The following TLR4 variants were observed in gnomAD, a reference collection of about 807,000 sequenced individuals.
TLR4 encodes toll-like receptor 4.
In TLR4, 17 loss-of-function variants were observed where a neutral mutation model predicts 27.4. The ratio of observed to expected loss-of-function variants is 0.62; its 90% confidence interval spans 0.42 to 0.93. TLR4 has a LOEUF of 0.93. Ranked by LOEUF, TLR4 falls within the 40% of genes least tolerant of loss-of-function variation. The pLI, the probability that TLR4 is intolerant of heterozygous loss-of-function variation, is 0.00. For synonymous variants in TLR4, 363 were observed against 365.7 expected (o/e 0.99, Z 0.08); for missense variants, 926 against 962.3 (o/e 0.96, Z 0.50).
chr9:117,707,263 C>T (rs1829150173), intron 1 of TLR4, among the ~76,000 whole-genome samples: 1 of 152,170 alleles, frequency 6.6e-6, no homozygotes, highest in Admixed American at 6.5e-5. Context: ...GAATGAAGAT[C>T]TGCATGTTTG....
rs199561420 is a variant in TLR4, at chr9:117,713,450, C to T, written c.1322C>T (p.Ser441Leu). 6.2e-7 allele frequency: 1 copy of T among 1,614,060 alleles called. No individual in the cohort carries two copies. Among genetic ancestry groups the T allele is most frequent in the East Asian group, 2.2e-5 (1 of 44,868 alleles). ...HSNLKQMSEF[S>L]VFLSLRNLIY... ...AATTTGAAACAAATGAGTGAGTTTT[C>T]AGTATTCCTATCACTCAGAAACCTC... The change falls in exon 3 of 3, where the codon TCA becomes TTA. Residue 441 changes from serine (S) to leucine (L), a missense_variant. Ser to Leu is a moderately radical substitution (Grantham distance 145). Coordinates refer to ENST00000355622, the MANE Select transcript of TLR4 (RefSeq NM_138554.5).
At position 117,713,533 on chromosome 9, in the gene TLR4, G is replaced by T. The variant is rs1588094962; in HGVS notation, c.1405G>T (p.Gly469Cys). The stretch of plus-strand genomic sequence containing the variant: ...AGTTGCTTTCAATGGCATCTTCAAT[G>T]GCTTGTCCAGTCTCGAAGTCTTGAA... ...TRVAFNGIFN[G>C]LSSLEVLKMA... The change falls in exon 3 of 3, where the codon GGC (glycine) becomes TGC (cysteine). Residue 469 changes from glycine (G) to cysteine (C), a missense_variant. By Grantham distance (159) the Gly-to-Cys change is radical. Coordinates refer to ENST00000355622, the MANE Select transcript of TLR4 (RefSeq NM_138554.5). The T allele has an allele frequency of 1.2e-6, 2 of 1,614,068 alleles. No individual in the cohort carries two copies.
intron 1 of TLR4, 45 bp downstream of exon 1, chr9:117,704,610 C>G (rs1210708881): frequency 1.3e-6 from 2 of 1,529,896 alleles, no homozygotes. Context: ...CTCACTTCTG[C>G]CCAGAACTTC....
At position 117,714,740 on chromosome 9, in the gene TLR4, GGCCTTAT is replaced by G; in HGVS notation, c.*95_*101del. 1 of 1,113,788 alleles carries G rather than the reference GGCCTTAT, an allele frequency of 9.0e-7. No individual in the cohort carries two copies. The highest frequency in any genetic ancestry group is 1.3e-5 in the South Asian group (1 of 77,948). 69.0% of individuals were successfully genotyped at this position (1,113,788 alleles called of 1,614,324 possible). ...AAGTATTAAATGCTGCCACATGTCA[GGCCTTAT>G]GCTAAGGGTGAGTAATTCCATGGTG... On this transcript the variant is annotated 3_prime_UTR_variant, in exon 3 of 3. Coordinates refer to ENST00000355622, the MANE Select transcript of TLR4 (RefSeq NM_138554.5).
rs1464641365 is a variant in TLR4 at position 117,719,199 on chromosome 9, T to C, written c.*4551T>C. 1 of 152,200 alleles carries C rather than the reference T, an allele frequency of 6.6e-6. No individual in the cohort carries two copies. Among genetic ancestry groups the C allele is most frequent in the African/African-American group, 2.4e-5 (1 of 41,450 alleles). The allele number at this position is 152,200 out of a possible 1,614,324, so 9.4% of individuals were successfully genotyped here. On this transcript the variant is annotated 3_prime_UTR_variant, in exon 3 of 3. Coordinates refer to ENST00000355622, the MANE Select transcript of TLR4 (RefSeq NM_138554.5). ...AATGTTGATAGTTACAATAGTTACA[T>C]TTAATTGATCAATTGTTTTATGCAA...
At position 117,720,718 on chromosome 9, in the gene TLR4, C is replaced by T. The variant is rs1057014838; in HGVS notation, c.*6070C>T. 2.0e-5 allele frequency: 3 copies of T among 152,264 alleles called. No homozygotes were observed. The highest frequency in any genetic ancestry group is 2.9e-5 in the Non-Finnish European group (2 of 68,072). 9.4% of individuals were successfully genotyped at this position (152,264 alleles called of 1,614,324 possible). A position where few individuals can be genotyped will look rare whatever the true frequency, so the allele number is the denominator to read the frequency against. On this transcript the variant is annotated 3_prime_UTR_variant, in exon 3 of 3. Coordinates refer to ENST00000355622, the MANE Select transcript of TLR4 (RefSeq NM_138554.5). ...TACCAATTTGAGCTCTTGACTCATACTAACAACACCCCATTTCCCATGGGC... is the reference window on the plus strand; with the variant it reads ...TACCAATTTGAGCTCTTGACTCATATTAACAACACCCCATTTCCCATGGGC...
chr9:117,716,644 G>T lies in TLR4; in HGVS notation c.*1996G>T, dbSNP rs200960216. ...GATGAATTAGCTCTAAAGATCAGCTGTATAGCAGAGTTCGTATAATGAACA... is the reference window on the plus strand; with the variant it reads ...GATGAATTAGCTCTAAAGATCAGCTTTATAGCAGAGTTCGTATAATGAACA... On this transcript the variant is annotated 3_prime_UTR_variant, in exon 3 of 3. Coordinates refer to ENST00000355622, the MANE Select transcript of TLR4 (RefSeq NM_138554.5). 4.6e-5 allele frequency: 7 copies of T among 152,166 alleles called. No individual in the cohort carries two copies. Among genetic ancestry groups the T allele is most frequent in the Non-Finnish European group, 1.0e-4 (7 of 68,036 alleles). The allele number at this position is 152,166 out of a possible 1,614,324, so 9.4% of individuals were successfully genotyped here.
rs564496399 is a variant in TLR4 at position 117,708,895 on chromosome 9, T to A, written c.260+166T>A. Reference sequence around the variant, plus strand: ...ATAACCTTGAGCAAGCTACCTCTATTCTCCAGGTCTCAGTTTTCTAATCTG... The same window carrying A: ...ATAACCTTGAGCAAGCTACCTCTATACTCCAGGTCTCAGTTTTCTAATCTG... On this transcript the variant is annotated intron_variant, in intron 2 of 2. Transcript: ENST00000355622. 1.3e-5 allele frequency: 10 copies of A among 797,146 alleles called. No homozygotes were observed. The African/African-American group carries it at 1.6e-4, about 12-fold the overall frequency. The allele number at this position is 797,146 out of a possible 1,614,324, so 49.4% of individuals were successfully genotyped here.
chr9:117,719,329 CAT>C lies in TLR4; in HGVS notation c.*4682_*4683del, dbSNP rs1322667181. On this transcript the variant is annotated 3_prime_UTR_variant, in exon 3 of 3. Transcript: ENST00000355622. ...AGTCTGAGTCTGGGAGTCATTCTGT[CAT>C]GTGTCCACTGTCACCTGCTCATTGG... The C allele has an allele frequency of 1.6e-4, 25 of 152,278 alleles. No individual in the cohort carries two copies. In the East Asian group the frequency reaches 4.1e-3, roughly 25 times the overall value. 9.4% of individuals were successfully genotyped at this position (152,278 alleles called of 1,614,324 possible). A position where few individuals can be genotyped will look rare whatever the true frequency, so the allele number is the denominator to read the frequency against.
At position 117,712,385 on chromosome 9, in the gene TLR4, G is replaced by A; in HGVS notation, c.261-4G>A. The A allele has an allele frequency of 6.2e-7, 1 of 1,612,426 alleles. No individual in the cohort carries two copies. The highest frequency in any genetic ancestry group is 1.1e-5 in the South Asian group (1 of 91,004). On this transcript the variant is annotated splice_polypyrimidine_tract_variant and splice_region_variant and intron_variant, in intron 2 of 2. Coordinates refer to ENST00000355622, the MANE Select transcript of TLR4 (RefSeq NM_138554.5). ...AGATAATCAATGTCTTTTTATTCCTGTAGGTGTGAAATCCAGACAATTGAA... is the reference window on the plus strand; with the variant it reads ...AGATAATCAATGTCTTTTTATTCCTATAGGTGTGAAATCCAGACAATTGAA...
In TLR4 at chr9:117,722,658, A is replaced by G. The variant is rs866519888; in HGVS notation, c.*8010A>G. The G allele has an allele frequency of 3.3e-5, 5 of 152,234 alleles. No homozygotes were observed. The highest frequency in any genetic ancestry group is 3.2e-3 in the Middle Eastern group (1 of 316). The allele number at this position is 152,234 out of a possible 1,614,324, so 9.4% of individuals were successfully genotyped here. A position where few individuals can be genotyped will look rare whatever the true frequency, so the allele number is the denominator to read the frequency against. The stretch of plus-strand genomic sequence containing the variant: ...CTGGCATATTAACAGCTGAGATCAG[A>G]TAAGTGAACAGCGATAGAGGTAGTG... On this transcript the variant is annotated 3_prime_UTR_variant, in exon 3 of 3. Coordinates refer to ENST00000355622, the MANE Select transcript of TLR4 (RefSeq NM_138554.5).
rs1829100182 is a variant in TLR4 at position 117,704,447 on chromosome 9, A to C, written c.-26A>C. 2 of 1,602,772 alleles carry C rather than the reference A, an allele frequency of 1.2e-6. No individual in the cohort carries two copies. Among genetic ancestry groups the C allele is most frequent in the Non-Finnish European group, 1.7e-6 (2 of 1,173,062 alleles). On this transcript the variant is annotated 5_prime_UTR_variant, in exon 1 of 3. Coordinates refer to ENST00000355622, the MANE Select transcript of TLR4 (RefSeq NM_138554.5). ...CGCATTCACAGGGCCACTGCTGCTC[A>C]CAGAAGCAGTGAGGATGATGCCAGG...
intron 1 of TLR4, 152 bp downstream of exon 1, chr9:117,704,717 T>TCAAA: frequency 1.3e-6 from 1 of 766,692 alleles, no homozygotes; most frequent in Non-Finnish European, 2.2e-6. Context: ...TAATTCATTG[T>TCAAA]TACAGGGCAC....
At chr9:117,707,180 G>C (rs1002641845) in intron 1 of TLR4, among the ~76,000 whole-genome samples, 3 of 152,178 alleles carry the variant, frequency 2.0e-5, no homozygotes, top group African/African-American at 7.2e-5. Context: ...CAAAGAAAGA[G>C]TGCCTGGCAC....
intron 2 of TLR4, among the ~76,000 whole-genome samples, chr9:117,711,131 A>G (rs879455426): frequency 3.3e-5 from 5 of 152,198 alleles, no homozygotes; most frequent in Non-Finnish European, 7.4e-5. Flanking sequence ...AGAGGACTGC[A>G]GAAACACCAA....
At position 117,713,331 on chromosome 9, in the gene TLR4, A is replaced by G. The variant is rs754066559; in HGVS notation, c.1203A>G (p.Leu401=). 6.2e-6 allele frequency: 10 copies of G among 1,613,968 alleles called. No homozygotes were observed. Among genetic ancestry groups the G allele is most frequent in the African/African-American group, 5.3e-5 (4 of 74,922 alleles). The change falls in exon 3 of 3, where the codon CTA becomes CTG. Residue 401 remains leucine, a synonymous_variant. Coordinates refer to ENST00000355622, the MANE Select transcript of TLR4 (RefSeq NM_138554.5). ...AAAGTGATTTTGGGACAACCAGCCTAAAGTATTTAGATCTGAGCTTCAATG... is the reference window on the plus strand; with the variant it reads ...AAAGTGATTTTGGGACAACCAGCCTGAAGTATTTAGATCTGAGCTTCAATG... ...CSQSDFGTTS[L]KYLDLSFNGV...
At chr9:117,705,260 G>T (rs565482405) in intron 1 of TLR4, among the ~76,000 whole-genome samples, 2 of 152,206 alleles carry the variant, frequency 1.3e-5, no homozygotes, top group South Asian at 2.1e-4. Context: ...TTTCCCCTGC[G>T]CAGACTTCAC....
chr9:117,709,574 A>G (rs967792762), intron 2 of TLR4, among the ~76,000 whole-genome samples: 1 of 152,142 alleles, frequency 6.6e-6, no homozygotes, highest in African/African-American at 2.4e-5. Flanking sequence ...GGTTTTCATC[A>G]TCGGGGCCTT....
rs1257018306 is a variant in TLR4, at chr9:117,720,157, A to C, written c.*5509A>C. ...TGTAGCTTTGCCATTCCACAGATGAAGAAACAGATGAAAGGACTGAATTGT... is the reference window on the plus strand; with the variant it reads ...TGTAGCTTTGCCATTCCACAGATGACGAAACAGATGAAAGGACTGAATTGT... On this transcript the variant is annotated 3_prime_UTR_variant, in exon 3 of 3. Coordinates refer to ENST00000355622, the MANE Select transcript of TLR4 (RefSeq NM_138554.5). The C allele has an allele frequency of 6.6e-6, 1 of 152,158 alleles. No individual in the cohort carries two copies. Among genetic ancestry groups the C allele is most frequent in the Non-Finnish European group, 1.5e-5 (1 of 68,046 alleles). The allele number at this position is 152,158 out of a possible 1,614,324, so 9.4% of individuals were successfully genotyped here. A position where few individuals can be genotyped will look rare whatever the true frequency, so the allele number is the denominator to read the frequency against.
Sources: gnomAD v4.1 joint callset for allele counts (sites outside exome capture counted in the v4.1 genomes callset) on GRCh38, gnomAD v4.1.1 for gene constraint, MANE v1.5 for transcripts, NCBI Gene and HGNC (gene_info 2026-07-23, HGNC 2026-07-21) for gene names.